KDM4B: variants seen among roughly 807,000 people sequenced by gnomAD.
The protein encoded by KDM4B is lysine demethylase 4B, also known as lysine-specific demethylase 4B.
In KDM4B, 32 loss-of-function variants were observed where a neutral mutation model predicts 125.2. The ratio of observed to expected loss-of-function variants is 0.26; its 90% CI spans 0.19 to 0.34. KDM4B has a LOEUF of 0.34. Ranked by LOEUF, KDM4B falls within the 10% of genes least tolerant of loss-of-function variation. KDM4B has a pLI of 1.00. For synonymous variants in KDM4B, 721 were observed against 677.9 expected (o/e 1.06, Z -0.99); for missense variants, 1,190 against 1,577.7 (o/e 0.75, Z 4.16).
rs78590763 is a variant in KDM4B, at chr19:5,055,177, C to G, written c.626+7508C>G. On this transcript the variant is annotated intron_variant, in intron 6 of 22. Transcript: ENST00000159111. Reference sequence around the variant, plus strand: ...ACAGGCAGGGCTCTCAGCTGTGTCTCGTGATGGTGTCCCCAAGGACTGGGA... The same window carrying G: ...ACAGGCAGGGCTCTCAGCTGTGTCTGGTGATGGTGTCCCCAAGGACTGGGA... 2.3e-4 allele frequency among the ~76,000 whole-genome samples: 35 copies of G among 152,318 alleles called. No individual in the cohort carries two copies. The South Asian group carries it at 6.6e-3, about 29-fold the overall frequency.
chr19:5,055,390 C>T (rs2037363935), intron 6 of KDM4B, among the ~76,000 whole-genome samples: 1 of 152,258 alleles, frequency 6.6e-6, no homozygotes, highest in Non-Finnish European at 1.5e-5. Flanking sequence ...TTCATATCGC[C>T]TTTTGCTGTG....
chr19:5,025,158 G>T (rs1227526320), intron 2 of KDM4B, among the ~76,000 whole-genome samples: 4 of 152,164 alleles, frequency 2.6e-5, no homozygotes, highest in Non-Finnish European at 5.9e-5. Context: ...TAAGCTGGAG[G>T]CCCAAGCCTG....
At chr19:5,010,724 T>C (rs1434858772) in intron 1 of KDM4B, among the ~76,000 whole-genome samples, 1 of 152,210 alleles carries the variant, frequency 6.6e-6, no homozygotes, top group Non-Finnish European at 1.5e-5. Flanking sequence ...CTTCGCTCAC[T>C]GCAACCTCCG....
chr19:5,004,777 G>A (rs2035504945), intron 1 of KDM4B, among the ~76,000 whole-genome samples: 1 of 152,098 alleles, frequency 6.6e-6, no homozygotes, highest in Admixed American at 6.6e-5. Flanking sequence ...CCTGGGTGTT[G>A]GGCAGAGGCC....
chr19:5,125,567 C>T (rs953524705), intron 11 of KDM4B, among the ~76,000 whole-genome samples: 9 of 152,238 alleles, frequency 5.9e-5, no homozygotes, highest in East Asian at 3.8e-4. Flanking sequence ...CGCTCCCTCC[C>T]GAGATCCCCG....
chr19:5,131,059 C>T lies in KDM4B; in HGVS notation c.1316-17C>T. On this transcript the variant is annotated splice_polypyrimidine_tract_variant and intron_variant, in intron 11 of 22. Coordinates refer to ENST00000159111, the MANE Select transcript of KDM4B (RefSeq NM_015015.3). The stretch of plus-strand genomic sequence containing the variant: ...GCCCGGGTTCTCCTCCCTGACCTCC[C>T]TCTCCTCTTCCCACAGAGGACGGGA... The T allele has an allele frequency of 6.7e-7, 1 of 1,491,076 alleles. No individual in the cohort carries two copies. The highest frequency in any genetic ancestry group is 1.8e-4 in the Middle Eastern group (1 of 5,530). 92.4% of individuals were successfully genotyped at this position (1,491,076 alleles called of 1,614,324 possible).
intron 6 of KDM4B, among the ~76,000 whole-genome samples, chr19:5,061,836 A>C (rs1306663000): frequency 6.6e-6 from 1 of 151,956 alleles, no homozygotes; most frequent in Admixed American, 6.6e-5. Context: ...CTTAAAAAAA[A>C]AAAACAAAAA....
chr19:5,114,093 C>T lies in KDM4B; in HGVS notation c.1115+3275C>T. 1 of 1,289,442 alleles carries T rather than the reference C, an allele frequency of 7.8e-7. No individual in the cohort carries two copies. The highest frequency in any genetic ancestry group is 1.2e-5 in the South Asian group (1 of 81,016). The allele number at this position is 1,289,442 out of a possible 1,614,324, so 79.9% of individuals were successfully genotyped here. The stretch of plus-strand genomic sequence containing the variant: ...GCGGGTGCCCTCAGCCTCCCCACTC[C>T]CGGTGGCGCTGTGCGTTCTGGTGCC... On this transcript the variant is annotated intron_variant, in intron 10 of 22. Coordinates refer to ENST00000159111, the MANE Select transcript of KDM4B (RefSeq NM_015015.3). This position sits in a 1 kb window ranked among gnomAD's most constrained non-coding sequence, Gnocchi z 5.8.
At chr19:5,138,888 G>A (rs745449559) in intron 18 of KDM4B, among the ~76,000 whole-genome samples, 2 of 152,180 alleles carry the variant, frequency 1.3e-5, no homozygotes, top group Non-Finnish European at 2.9e-5. Context: ...TAGACCCCAC[G>A]TGAGTGGGAT....
intron 1 of KDM4B, among the ~76,000 whole-genome samples, chr19:4,973,246 T>C (rs760996260): frequency 2.0e-5 from 3 of 152,204 alleles, no homozygotes; most frequent in Non-Finnish European, 4.4e-5. Context: ...TGGAGTACAG[T>C]GGCTAGATCT....
intron 6 of KDM4B, among the ~76,000 whole-genome samples, chr19:5,067,805 A>G (rs2037821302): frequency 6.6e-6 from 1 of 152,164 alleles, no homozygotes; most frequent in African/African-American, 2.4e-5. Flanking sequence ...CTGTCCAGAA[A>G]GCATGCAAGA....
intron 2 of KDM4B, among the ~76,000 whole-genome samples, chr19:5,020,385 C>A (rs925801357): frequency 1.3e-5 from 2 of 151,944 alleles, no homozygotes; most frequent in African/African-American, 4.8e-5. Context: ...GTTTTTGTTT[C>A]CCTTGGGCCG....
At chr19:5,062,108 T>C (rs2037620236) in intron 6 of KDM4B, among the ~76,000 whole-genome samples, 1 of 152,196 alleles carries the variant, frequency 6.6e-6, no homozygotes, top group Non-Finnish European at 1.5e-5. Flanking sequence ...CTCCTCCTCT[T>C]CCTGCCCTCT....
intron 1 of KDM4B, among the ~76,000 whole-genome samples, chr19:4,970,481 G>T (rs1180569631): frequency 6.6e-6 from 1 of 152,108 alleles, no homozygotes; most frequent in Non-Finnish European, 1.5e-5. Context: ...GGGATCTCTG[G>T]ATACTGGACT....
At chr19:5,093,036 C>T (rs974292902) in intron 9 of KDM4B, among the ~76,000 whole-genome samples, 3 of 152,204 alleles carry the variant, frequency 2.0e-5, no homozygotes, top group Admixed American at 6.5e-5. Flanking sequence ...CAGACCCTCC[C>T]CTCCTAGTGC....
chr19:5,070,188 C>T (rs969827500), intron 6 of KDM4B, among the ~76,000 whole-genome samples: 2 of 152,156 alleles, frequency 1.3e-5, no homozygotes, highest in Non-Finnish European at 2.9e-5. Context: ...TCGTCCCCTT[C>T]GCTTGGAAAT....
At chr19:5,069,605 CTGTTTGTT>C (rs544924990) in intron 6 of KDM4B, among the ~76,000 whole-genome samples, 2 of 147,124 alleles carry the variant, frequency 1.4e-5, no homozygotes, top group Admixed American at 6.8e-5. Flanking sequence ...TGCACCCGGC[CTGTTTGTT>C]TGTTTGTTTG....
intron 1 of KDM4B, among the ~76,000 whole-genome samples, chr19:5,015,842 C>G (rs1264337083): frequency 6.6e-6 from 1 of 152,228 alleles, no homozygotes; most frequent in Non-Finnish European, 1.5e-5. Context: ...CCCTGCCCCC[C>G]TCTCTCCCCG....
At chr19:5,104,495 T>TG (rs1209196672) in intron 9 of KDM4B, among the ~76,000 whole-genome samples, 1 of 152,150 alleles carries the variant, frequency 6.6e-6, no homozygotes, top group Non-Finnish European at 1.5e-5. Context: ...TTTTTTTTTT[T>TG]TCCAGCAACT....
Sources: allele counts gnomAD v4.1 joint callset (sites outside exome capture counted in the v4.1 genomes callset), GRCh38; gene constraint gnomAD v4.1.1; non-coding constraint Gnocchi (gnomAD v3.1); transcripts MANE v1.5; gene names NCBI Gene and HGNC (gene_info 2026-07-23, HGNC 2026-07-21).